The following TUBGCP2 variants were observed in gnomAD, a reference collection of about 807,000 sequenced individuals.
TUBGCP2 encodes the protein gamma-tubulin complex component 2.
Under a neutral mutation model 92.2 loss-of-function variants are expected in TUBGCP2, and 55 were observed. The ratio of observed to expected loss-of-function variants is 0.60; its 90% confidence interval spans 0.48 to 0.75. TUBGCP2 has a LOEUF of 0.75. Ranked by LOEUF, TUBGCP2 falls within the 30% of genes least tolerant of loss-of-function variation. The probability of loss-of-function intolerance (pLI) is 0.00; values close to 1 mark genes in which losing one functional copy is unlikely to be tolerated. For synonymous variants in TUBGCP2, 533 were observed against 505.2 expected, an observed-to-expected ratio of 1.06 and a Z score of -0.74; for missense variants, 1,093 against 1,188.9, an observed-to-expected ratio of 0.92 and a Z score of 1.19.
intron 1 of TUBGCP2, among the ~76,000 whole-genome samples, chr10:133,307,329 C>T (rs143344885): frequency 1.3e-5 from 2 of 152,350 alleles, no homozygotes; most frequent in East Asian, 1.9e-4. Context: ...GCATGTCACA[C>T]TCCACCACGG....
intron 13 of TUBGCP2, among the ~76,000 whole-genome samples, 180 bp downstream of exon 13, chr10:133,284,905 C>T (rs963920403): frequency 1.3e-5 from 2 of 152,250 alleles, no homozygotes; most frequent in African/African-American, 4.8e-5. Flanking sequence ...AGCCCCAAGA[C>T]AGGAAAATGA....
At chr10:133,287,766 CAACA>C (rs1564936723) in intron 11 of TUBGCP2, among the ~76,000 whole-genome samples, 1 of 151,772 alleles carries the variant, frequency 6.6e-6, no homozygotes, top group African/African-American at 2.4e-5. Flanking sequence ...AAAACAACGA[CAACA>C]AAAAGGCAAA....
chr10:133,289,026 AAC>A lies in TUBGCP2; in HGVS notation c.1361-8_1361-7del. On this transcript the variant is annotated splice_region_variant and splice_polypyrimidine_tract_variant and intron_variant, in intron 9 of 17. Transcript: ENST00000252936. ...GACCACATTTAGATATTTTCCTGAA[AAC>A]ACAGAAATTCAAAATTTTATTCTCC... The A allele has an allele frequency of 6.2e-7, 1 of 1,605,242 alleles. No individual in the cohort carries two copies. Among genetic ancestry groups the A allele is most frequent in the Non-Finnish European group, 8.5e-7 (1 of 1,173,830 alleles).
At chr10:133,282,093 G>T in intron 16 of TUBGCP2, 130 bp downstream of exon 16, 1 of 1,412,342 alleles carries the variant, frequency 7.1e-7, no homozygotes, top group Non-Finnish European at 9.5e-7. Flanking sequence ...CTAATTTTAA[G>T]TCTTTTCTTC....
upstream of TUBGCP2, chr10:133,309,508 C>A: frequency 6.3e-7 from 1 of 1,579,920 alleles, no homozygotes. Flanking sequence ...CCTGCGCCGC[C>A]TCCCTGACCG....
intron 2 of TUBGCP2, 49 bp from the exon 3 acceptor site, chr10:133,300,162 C>A: frequency 6.3e-7 from 1 of 1,577,490 alleles, no homozygotes; most frequent in Non-Finnish European, 8.6e-7. Context: ...TAATAAAGCA[C>A]TGTAAAAAAA....
Position 133,283,101 on chromosome 10 carries a change from C to A in TUBGCP2, c.2266G>T (p.Val756Phe), listed in dbSNP as rs754661007. The A allele has an allele frequency of 6.2e-7, 1 of 1,614,204 alleles. No individual in the cohort carries two copies. The highest frequency in any genetic ancestry group is 1.1e-5 in the South Asian group (1 of 91,082). Residue 756 changes from valine to phenylalanine, a missense_variant, in exon 15 of 18, where the codon GTC becomes TTC. Val to Phe is a conservative substitution (Grantham distance 50). Around this residue, in one of 3 missense-constraint regions of TUBGCP2, gnomAD observed 598 missense variants for 675.5 expected, o/e 0.89. Transcript: ENST00000252936. The part of the protein sequence containing the change: ...KVFSKLMSVC[V>F]MFTNCMQKFT... ...ACCTGCATGCAGTTGGTGAACATGA[C>A]GCACACAGACATGAGCTTGGAGAAG...
At chr10:133,286,837 G>A (rs1346890264) in intron 11 of TUBGCP2, among the ~76,000 whole-genome samples, 1 of 152,126 alleles carries the variant, frequency 6.6e-6, no homozygotes, top group African/African-American at 2.4e-5. Flanking sequence ...CAGACAAACA[G>A]AAATTATGAC....
chr10:133,295,000 T>C (rs1847456417), intron 5 of TUBGCP2, among the ~76,000 whole-genome samples: 1 of 152,150 alleles, frequency 6.6e-6, no homozygotes, highest in African/African-American at 2.4e-5. Context: ...CCTCTGACTC[T>C]GCATCACTTA....
intron 14 of TUBGCP2, 42 bp from the exon 15 acceptor site, chr10:133,283,263 T>C (rs1281411558): frequency 6.2e-7 from 1 of 1,612,490 alleles, no homozygotes; most frequent in Non-Finnish European, 8.5e-7. Context: ...AAGACGTGGC[T>C]GACAGACGGG....
intron 1 of TUBGCP2, 24 bp downstream of exon 1, chr10:133,308,799 C>A: frequency 1.7e-6 from 1 of 597,138 alleles, no homozygotes; most frequent in Non-Finnish European, 2.4e-6. Context: ...ATCACGCCCG[C>A]GCCCGCGTTC....
chr10:133,281,621 A>G (rs766804785), intron 16 of TUBGCP2, 185 bp from the exon 17 acceptor site: 194 of 785,864 alleles, frequency 2.5e-4, no homozygotes, highest in Non-Finnish European at 3.6e-4. Flanking sequence ...CTGAGAACCC[A>G]GCACTCAGAG....
chr10:133,296,225 G>C (rs1847484906), intron 5 of TUBGCP2, among the ~76,000 whole-genome samples: 1 of 152,188 alleles, frequency 6.6e-6, no homozygotes, highest in African/African-American at 2.4e-5. Flanking sequence ...GGGGAAACAT[G>C]GGGGGAAAGC....
chr10:133,304,406 A>G (rs1381251543), intron 1 of TUBGCP2, among the ~76,000 whole-genome samples: 1 of 152,262 alleles, frequency 6.6e-6, no homozygotes, highest in Non-Finnish European at 1.5e-5. Context: ...AGGGTTCTTA[A>G]GCCGGTATCC....
intron 9 of TUBGCP2, among the ~76,000 whole-genome samples, 186 bp downstream of exon 9, chr10:133,289,638 G>A (rs1847222900): frequency 6.6e-6 from 1 of 152,208 alleles, no homozygotes; most frequent in South Asian, 2.1e-4. Context: ...ACCATCTCAA[G>A]GCCTAACTCA....
chr10:133,290,247 C>T lies in TUBGCP2; in HGVS notation c.1215-278G>A, dbSNP rs990199180. Reference sequence around the variant, plus strand: ...CAGTGGCTCACGCCTGTAACCCCAGCACTTTGGGAGGCTGAGGTGGGCAGA... The same window carrying T: ...CAGTGGCTCACGCCTGTAACCCCAGTACTTTGGGAGGCTGAGGTGGGCAGA... On this transcript the variant is annotated intron_variant, in intron 8 of 17. Coordinates refer to ENST00000252936, the MANE Select transcript of TUBGCP2 (RefSeq NM_006659.4). The T allele has an allele frequency of 3.2e-5, 12 of 370,746 alleles. No homozygotes were observed. The Admixed American group carries it at 3.7e-4, about 11-fold the overall frequency. The allele number at this position is 370,746 out of a possible 1,614,324, so 23.0% of individuals were successfully genotyped here.
chr10:133,296,610 T>G (rs138853443), intron 5 of TUBGCP2, among the ~76,000 whole-genome samples: 39 of 152,168 alleles, frequency 2.6e-4, no homozygotes, highest in African/African-American at 9.2e-4. Context: ...CCTGAGTAGC[T>G]GGGACTACAG....
chr10:133,310,402 G>T (rs1457368609), upstream of TUBGCP2: 4 of 1,364,978 alleles, frequency 2.9e-6, no homozygotes, highest in Non-Finnish European at 4.0e-6. Context: ...TCACCTAATG[G>T]GGTGTTCACC....
intron 4 of TUBGCP2, 58 bp downstream of exon 4, chr10:133,299,369 G>A (rs1052015623): frequency 2.2e-5 from 32 of 1,461,850 alleles, no homozygotes; most frequent in African/African-American, 4.2e-5. Flanking sequence ...GCCTGTGGAC[G>A]CCACGGACAC....
Sources: allele counts gnomAD v4.1 joint callset (sites outside exome capture counted in the v4.1 genomes callset), GRCh38; gene constraint gnomAD v4.1.1; regional missense constraint gnomAD v4.1.1; transcripts MANE v1.5; gene names NCBI Gene and HGNC (gene_info 2026-07-23, HGNC 2026-07-21).